The following CTNNA2 variants were observed in gnomAD, a reference collection of about 807,000 sequenced individuals.
CTNNA2 encodes the protein catenin alpha 2, also known as catenin alpha-2.
CTNNA2 carries 42 observed loss-of-function variants against 101.0 expected under a neutral mutation model. That is an observed-to-expected ratio of 0.42 (90% confidence interval 0.32 to 0.54). The LOEUF (loss-of-function observed/expected upper bound fraction) is 0.54. CTNNA2 is among the 20% of genes least tolerant of loss of function. The pLI is 0.14. For missense variants in CTNNA2, 871 were observed against 1,223.1 expected (o/e 0.71, Z 4.29); for synonymous variants, 450 against 456.4 (o/e 0.99, Z 0.18).
intron 4 of CTNNA2, among the ~76,000 whole-genome samples, chr2:79,397,456 T>C (rs536296327): frequency 6.6e-6 from 1 of 152,254 alleles, no homozygotes; most frequent in African/African-American, 2.4e-5. Flanking sequence ...GCAGGGTATA[T>C]CTTTCACAAG....
intron 7 of CTNNA2, among the ~76,000 whole-genome samples, chr2:80,009,978 C>G (rs953965759): frequency 6.6e-6 from 1 of 152,122 alleles, no homozygotes; most frequent in African/African-American, 2.4e-5. Context: ...TTAGACTCAT[C>G]AAGGTATACT....
intron 2 of CTNNA2, among the ~76,000 whole-genome samples, chr2:79,279,466 A>G (rs1675303693): frequency 6.6e-6 from 1 of 152,118 alleles, no homozygotes; most frequent in South Asian, 2.1e-4. Flanking sequence ...GTTTTCGTCC[A>G]TGCCCCCAAC....
intron 2 of CTNNA2, among the ~76,000 whole-genome samples, chr2:79,212,719 A>G (rs200846564): frequency 6.6e-6 from 1 of 152,116 alleles, no homozygotes; most frequent in Non-Finnish European, 1.5e-5. Flanking sequence ...CAGACCCTGT[A>G]GGAAAGGCCT....
chr2:79,338,578 ATCTTC>A (rs1677053770), intron 3 of CTNNA2, among the ~76,000 whole-genome samples: 1 of 117,740 alleles, frequency 8.5e-6, no homozygotes, highest in African/African-American at 3.3e-5. Flanking sequence ...CCTCCTCATC[ATCTTC>A]TTCTTCTTCT....
At chr2:80,070,801 G>C (rs371348984) in intron 7 of CTNNA2, among the ~76,000 whole-genome samples, 20 of 152,064 alleles carry the variant, frequency 1.3e-4, no homozygotes, top group Non-Finnish European at 1.8e-4. Flanking sequence ...AAGGCTCTAG[G>C]GGGGAATCTC....
chr2:80,166,859 T>C (rs1373803391), intron 7 of CTNNA2, among the ~76,000 whole-genome samples: 1 of 152,156 alleles, frequency 6.6e-6, no homozygotes, highest in Admixed American at 6.5e-5. Context: ...TGGAAAACCC[T>C]CACGTTTTCT....
chr2:80,243,970 C>T (rs1671136347), intron 7 of CTNNA2, among the ~76,000 whole-genome samples: 1 of 152,196 alleles, frequency 6.6e-6, no homozygotes, highest in Non-Finnish European at 1.5e-5. Context: ...ATCAATGCAG[C>T]AGCCTGCAGG....
intron 7 of CTNNA2, among the ~76,000 whole-genome samples, chr2:80,155,825 A>G (rs1299485681): frequency 6.6e-6 from 1 of 152,180 alleles, no homozygotes; most frequent in Non-Finnish European, 1.5e-5. Context: ...ATGGTTTGCC[A>G]GACATTGTAT....
At chr2:80,327,732 C>A (rs371329574) in intron 7 of CTNNA2, among the ~76,000 whole-genome samples, 3 of 152,292 alleles carry the variant, frequency 2.0e-5, no homozygotes, top group Admixed American at 6.5e-5. Flanking sequence ...TTAGCACTGA[C>A]AATAGAAGTA....
intron 2 of CTNNA2, among the ~76,000 whole-genome samples, chr2:79,220,705 G>A (rs1674330997): frequency 6.6e-6 from 1 of 152,134 alleles, no homozygotes; most frequent in Non-Finnish European, 1.5e-5. Context: ...TCTCCTCATA[G>A]AAACTGGGAA....
At chr2:79,372,918 A>G (rs1378952818) in intron 3 of CTNNA2, among the ~76,000 whole-genome samples, 1 of 152,212 alleles carries the variant, frequency 6.6e-6, no homozygotes, top group South Asian at 2.1e-4. Flanking sequence ...TTCCAATTCC[A>G]TGGTTTCTTC....
At chr2:80,576,792 A>T (rs1695091531) in intron 13 of CTNNA2, among the ~76,000 whole-genome samples, 1 of 142,612 alleles carries the variant, frequency 7.0e-6, no homozygotes, top group African/African-American at 2.9e-5. Flanking sequence ...CTACTGAAAA[A>T]AAAAAAAAAA....
intron 2 of CTNNA2, among the ~76,000 whole-genome samples, chr2:79,710,042 G>GA (rs1463232073): frequency 1.3e-5 from 2 of 152,018 alleles, no homozygotes; most frequent in African/African-American, 4.8e-5. Context: ...GCTTGGTGAG[G>GA]AAAAATCCCG....
chr2:79,301,523 G>GT (rs1676107071), intron 2 of CTNNA2, among the ~76,000 whole-genome samples: 1 of 152,112 alleles, frequency 6.6e-6, no homozygotes, highest in Non-Finnish European at 1.5e-5. Flanking sequence ...AGGATTTTTG[G>GT]TAATGATCCA....
At chr2:80,532,881 G>A (rs531045688) in intron 9 of CTNNA2, among the ~76,000 whole-genome samples, 1 of 152,188 alleles carries the variant, frequency 6.6e-6, no homozygotes, top group East Asian at 1.9e-4. Flanking sequence ...AACCAACAGC[G>A]ATAAGAAAGA....
chr2:80,122,324 C>A (rs865843788), intron 7 of CTNNA2, among the ~76,000 whole-genome samples: 1 of 151,492 alleles, frequency 6.6e-6, no homozygotes, highest in Non-Finnish European at 1.5e-5. Flanking sequence ...GTTTCCCCCT[C>A]TTTCTCTGTC....
intron 9 of CTNNA2, among the ~76,000 whole-genome samples, chr2:80,434,295 A>G (rs1469707570): frequency 2.0e-5 from 3 of 152,220 alleles, no homozygotes; most frequent in African/African-American, 7.2e-5. Flanking sequence ...CTTTCAAAGC[A>G]GTGAATGTTC....
chr2:80,039,402 C>A (rs1695886627), intron 7 of CTNNA2, among the ~76,000 whole-genome samples: 1 of 152,184 alleles, frequency 6.6e-6, no homozygotes, highest in Admixed American at 6.5e-5. Context: ...GCAGTTACTA[C>A]CATTTTCTTT....
intron 7 of CTNNA2, among the ~76,000 whole-genome samples, chr2:80,368,778 A>G (rs571617352): frequency 6.6e-6 from 1 of 151,216 alleles, no homozygotes; most frequent in African/African-American, 2.4e-5. Flanking sequence ...TTTTAGCAAA[A>G]AAAAAAAGAA....
Sources: allele counts gnomAD v4.1 joint callset (sites outside exome capture counted in the v4.1 genomes callset), GRCh38; gene constraint gnomAD v4.1.1; transcripts MANE v1.5; gene names NCBI Gene and HGNC (gene_info 2026-07-23, HGNC 2026-07-21).